The following SYTL2 variants were observed in gnomAD, a reference collection of about 807,000 sequenced individuals.
The protein encoded by SYTL2 is synaptotagmin like 2.
SYTL2 carries 165 observed loss-of-function variants against 198.7 expected under a neutral mutation model. The ratio of observed to expected loss-of-function variants is 0.83; its 90% CI spans 0.73 to 0.94. SYTL2 has a LOEUF of 0.94. SYTL2 is among the 40% of genes least tolerant of loss of function. The probability of loss-of-function intolerance (pLI) is 0.00; values close to 1 mark genes in which losing one functional copy is unlikely to be tolerated. For synonymous variants in SYTL2, 966 were observed against 917.7 expected (o/e 1.05, Z -0.95); for missense variants, 2,835 against 2,582.8 (o/e 1.10, Z -2.12).
chr11:85,816,894 T>C, the SYTL2 span, among the ~76,000 whole-genome samples: 2 of 123,384 alleles, frequency 1.6e-5, no homozygotes, highest in African/African-American at 6.3e-5. Context: ...CCAGCCTGGG[T>C]GACAGAGCAA....
At chr11:85,791,631 C>A (rs1322462769) in intron 1 of SYTL2, among the ~76,000 whole-genome samples, 1 of 152,122 alleles carries the variant, frequency 6.6e-6, no homozygotes, top group Non-Finnish European at 1.5e-5. Context: ...TACTACTATC[C>A]ATTGTGAACA....
At chr11:85,723,970 T>C (rs1047883120) in intron 8 of SYTL2, 62 bp downstream of exon 8, 3 of 942,274 alleles carry the variant, frequency 3.2e-6, no homozygotes, top group South Asian at 3.6e-5. Context: ...AAAAAAATCA[T>C]CCTTTACATC....
Position 85,733,972 on chromosome 11 carries a change from T to G in SYTL2, c.1357A>C (p.Arg453=). Residue 453 remains arginine, a synonymous_variant, in exon 7 of 20, where the codon AGG becomes CGG. Transcript: ENST00000359152. ...CTTCTGGGTAATACAGATTCAAGCC[T>G]TGTTAATTCTGATGATTTATCTTTG... ...EPKDKSSELT[R]LESVLPRSPA... is the part of the protein sequence containing the mutation. 1.2e-6 allele frequency: 2 copies of G among 1,614,138 alleles called. No individual in the cohort carries two copies. The highest frequency in any genetic ancestry group is 1.7e-5 in the Admixed American group (1 of 60,020).
intron 7 of SYTL2, chr11:85,733,594 G>GTTTTTTTTTTTTTTTTTTTT: frequency 9.6e-6 from 1 of 104,242 alleles, no homozygotes; most frequent in Non-Finnish European, 1.8e-5. Context: ...TTTTTTTTTT[G>GTTTTTTTTTTTTTTTTTTTT]TTTTTTTTTT....
At chr11:85,792,207 C>A (rs1214342737) in intron 1 of SYTL2, among the ~76,000 whole-genome samples, 1 of 151,962 alleles carries the variant, frequency 6.6e-6, no homozygotes, top group East Asian at 1.9e-4. Flanking sequence ...AACCATGACA[C>A]CAACCCAGCC....
rs1159535212 is a variant in SYTL2 at position 85,695,154 on chromosome 11, G to GGTTTAGTA, written c.*33_*40dup. On this transcript the variant is annotated 3_prime_UTR_variant, in exon 20 of 20. Transcript: ENST00000359152. ...CAGATTTTCAAGATCAGATTCCACCGGTTTAGTAGTTTTCAGTGGAGGAGC... is the reference window on the plus strand; with the variant it reads ...CAGATTTTCAAGATCAGATTCCACCGGTTTAGTAGTTTAGTAGTTTTCAGTGGAGGAGC... The GGTTTAGTA allele has an allele frequency of 1.9e-6, 3 of 1,585,612 alleles. No individual in the cohort carries two copies. The African/African-American group carries it at 4.1e-5, about 21-fold the overall frequency.
chr11:85,727,436 C>T lies in SYTL2; in HGVS notation c.1922G>A (p.Ser641Asn), dbSNP rs2089325505. The change falls in exon 8 of 20, where the codon AGT (serine) becomes AAT (asparagine). Residue 641 changes from serine to asparagine, a missense_variant. Ser to Asn is a conservative substitution (Grantham distance 46, BLOSUM62 1). Around this residue, in one of 3 missense-constraint regions of SYTL2, gnomAD observed 2,645 missense variants for 2,381.7 expected, o/e 1.11. Coordinates refer to ENST00000359152, the MANE Select transcript of SYTL2 (RefSeq NM_206927.4). ...ATAGTCCATATTTTTACTCCCTTGA[C>T]TTGGGGTGCCATAGCTTTCAAATGG... ...LQPFESYGTPSQGSKNMDYSQ... is the reference protein window; with the variant it reads ...LQPFESYGTPNQGSKNMDYSQ... 2 of 1,536,200 alleles carry T rather than the reference C, an allele frequency of 1.3e-6. No individual in the cohort carries two copies. Among genetic ancestry groups the T allele is most frequent in the Non-Finnish European group, 1.7e-6 (2 of 1,146,912 alleles).
the SYTL2 span, among the ~76,000 whole-genome samples, chr11:85,826,789 A>G: frequency 6.6e-6 from 1 of 152,226 alleles, no homozygotes. Flanking sequence ...TCAGCATCAC[A>G]ACATATTCAC....
intron 1 of SYTL2, among the ~76,000 whole-genome samples, chr11:85,806,495 T>C (rs1300989912): frequency 6.6e-6 from 1 of 152,232 alleles, no homozygotes; most frequent in African/African-American, 2.4e-5. Flanking sequence ...TTATACTGTA[T>C]TTCTGTCAAC....
chr11:85,717,812 G>A (rs2087607093), intron 10 of SYTL2: 1 of 471,296 alleles, frequency 2.1e-6, no homozygotes, highest in Admixed American at 2.6e-5. Flanking sequence ...CACTGGACTA[G>A]GAGTAATGAA....
At chr11:85,848,453 T>C in the SYTL2 span, among the ~76,000 whole-genome samples, 1 of 108,296 alleles carries the variant, frequency 9.2e-6, no homozygotes, top group Non-Finnish European at 2.1e-5. Flanking sequence ...ATGATTCATT[T>C]TGAGTTAATT....
rs141681546 is a variant in SYTL2, at chr11:85,724,364, G to A, written c.4994C>T (p.Pro1665Leu). ...SRSGVEIPRT[P>L]QLYVAHEIGT... ...TATTTCATGAGCCACATAAAGTTGT[G>A]GGGTTCTAGGGATCTCAACTCCACT... Residue 1665 changes from proline to leucine, a missense_variant, in exon 8 of 20, where the codon CCA (proline) becomes CTA (leucine). This residue lies in a region of SYTL2 where 2,645 missense variants were observed against 2,381.7 expected (regional missense o/e 1.11). Transcript: ENST00000359152. The A allele has an allele frequency of 2.5e-4, 394 of 1,584,942 alleles. No homozygotes were observed. Among genetic ancestry groups the A allele is most frequent in the Middle Eastern group, 6.8e-4 (4 of 5,854 alleles).
At chr11:85,777,156 T>C (rs1459208469) in intron 1 of SYTL2, among the ~76,000 whole-genome samples, 1 of 152,222 alleles carries the variant, frequency 6.6e-6, no homozygotes, top group African/African-American at 2.4e-5. Flanking sequence ...GGACATTCTT[T>C]AGTCACCTCA....
chr11:85,832,660 T>C, the SYTL2 span, among the ~76,000 whole-genome samples: 3 of 152,086 alleles, frequency 2.0e-5, no homozygotes, highest in African/African-American at 7.2e-5. Flanking sequence ...TATGAGGAAA[T>C]AATGTTCAAG....
the SYTL2 span, chr11:85,854,676 G>C: frequency 2.0e-5 from 3 of 152,366 alleles, no homozygotes; most frequent in Non-Finnish European, 4.4e-5. Context: ...CAGCGGGACA[G>C]AGGCGCGCAG....
intron 16 of SYTL2, among the ~76,000 whole-genome samples, chr11:85,703,198 T>C (rs896529407): frequency 1.3e-5 from 2 of 151,756 alleles, no homozygotes; most frequent in African/African-American, 2.4e-5. Flanking sequence ...GAGGAGAAAA[T>C]AGTGGGGCAA....
chr11:85,735,186 T>C (rs1006819392), intron 6 of SYTL2, among the ~76,000 whole-genome samples: 1 of 152,216 alleles, frequency 6.6e-6, no homozygotes, highest in Non-Finnish European at 1.5e-5. Context: ...TTGCTCAATA[T>C]TGTGAACCTA....
At position 85,745,848 on chromosome 11, in the gene SYTL2, C is replaced by A; in HGVS notation, c.254-76G>T. The A allele has an allele frequency of 2.7e-6, 4 of 1,475,392 alleles. No homozygotes were observed. In the South Asian group the frequency reaches 5.2e-5, roughly 19 times the overall value. 91.4% of individuals were successfully genotyped at this position (1,475,392 alleles called of 1,614,324 possible). A position where few individuals can be genotyped will look rare whatever the true frequency, so the allele number is the denominator to read the frequency against. On this transcript the variant is annotated intron_variant, in intron 3 of 19. Transcript: ENST00000359152. ...CTACAACTCTCTTATCAGCTCTTAT[C>A]ACTGAAGCCTTGAACCTGAACCTCA...
chr11:85,789,534 C>T (rs1262447447), intron 1 of SYTL2, among the ~76,000 whole-genome samples: 2 of 150,622 alleles, frequency 1.3e-5, no homozygotes, highest in African/African-American at 2.4e-5. Flanking sequence ...CGCCCCTGGC[C>T]AAATTATACA....
Sources: gnomAD v4.1 joint callset for allele counts (sites outside exome capture counted in the v4.1 genomes callset) on GRCh38, gnomAD v4.1.1 for gene constraint, gnomAD v4.1.1 regional missense constraint, MANE v1.5 for transcripts, NCBI Gene and HGNC (gene_info 2026-07-23, HGNC 2026-07-21) for gene names.